Variants in REDIC1 observed in about 807,000 individuals in gnomAD.
REDIC1 encodes the protein regulator of DNA class I crossover intermediates 1, also known as HEI10 Interacting Protein 1.
the REDIC1 span, among the ~76,000 whole-genome samples, chr12:39,733,611 G>A: frequency 6.6e-6 from 1 of 152,290 alleles, no homozygotes; most frequent in East Asian, 1.9e-4. Flanking sequence ...CCAGAGAGGA[G>A]GAATTTAGAG....
the REDIC1 span, among the ~76,000 whole-genome samples, chr12:39,674,462 C>G: frequency 9.2e-5 from 14 of 152,174 alleles, no homozygotes; most frequent in African/African-American, 3.4e-4. Context: ...ACTTTTACTC[C>G]AAAAAGCACT....
the REDIC1 span, among the ~76,000 whole-genome samples, chr12:39,747,994 T>C: frequency 6.9e-3 from 1,050 of 152,258 alleles, 14 homozygotes; most frequent in African/African-American, 0.024. Flanking sequence ...TAAAGACCAT[T>C]GAGGCTAGGA....
At chr12:39,715,214 T>C in the REDIC1 span, among the ~76,000 whole-genome samples, 2 of 152,030 alleles carry the variant, frequency 1.3e-5, no homozygotes, top group South Asian at 2.1e-4. Flanking sequence ...TTTAAGTCCT[T>C]AATCAATCTT....
the REDIC1 span, chr12:39,758,628 A>G: frequency 1.1e-4 from 16 of 152,128 alleles, no homozygotes; most frequent in African/African-American, 3.9e-4. Flanking sequence ...ATAAAAACCA[A>G]TGAATACCTT....
the REDIC1 span, among the ~76,000 whole-genome samples, chr12:39,726,277 C>T: frequency 3.3e-5 from 5 of 152,046 alleles, no homozygotes; most frequent in African/African-American, 1.2e-4. Flanking sequence ...CAGTCATCTA[C>T]ATTAGGTATT....
the REDIC1 span, among the ~76,000 whole-genome samples, chr12:39,657,800 T>C: frequency 1.3e-3 from 199 of 152,262 alleles, no homozygotes; most frequent in African/African-American, 4.6e-3. Context: ...ATTTTATTTA[T>C]GTTCTTACAG....
the REDIC1 span, among the ~76,000 whole-genome samples, chr12:39,717,778 C>A: frequency 1.3e-5 from 2 of 152,056 alleles, no homozygotes; most frequent in Non-Finnish European, 2.9e-5. Flanking sequence ...CTTGAGTAAT[C>A]AACACTTCTG....
At chr12:39,706,601 C>A in the REDIC1 span, among the ~76,000 whole-genome samples, 1 of 151,866 alleles carries the variant, frequency 6.6e-6, no homozygotes, top group East Asian at 1.9e-4. Flanking sequence ...AGTATAGTAA[C>A]CAAAACAGCA....
At chr12:39,870,099 T>G in the REDIC1 span, among the ~76,000 whole-genome samples, 1 of 152,172 alleles carries the variant, frequency 6.6e-6, no homozygotes, top group Non-Finnish European at 1.5e-5. Flanking sequence ...GAATACCAAA[T>G]GAAGGAACGA....
At chr12:39,700,756 G>A in the REDIC1 span, among the ~76,000 whole-genome samples, 1 of 151,798 alleles carries the variant, frequency 6.6e-6, no homozygotes, top group Non-Finnish European at 1.5e-5. Context: ...AACTCTACAA[G>A]CCAGAAGAGA....
At chr12:39,872,031 A>C in the REDIC1 span, 1 of 1,342,180 alleles carries the variant, frequency 7.5e-7, no homozygotes, top group East Asian at 2.7e-5. Context: ...TTGATAGAAA[A>C]AGATGTATTC....
chr12:39,761,167 A>C, the REDIC1 span, among the ~76,000 whole-genome samples: 1 of 151,984 alleles, frequency 6.6e-6, no homozygotes, highest in African/African-American at 2.4e-5. Context: ...GGGAGTGGGA[A>C]GAACTGAGTT....
the REDIC1 span, among the ~76,000 whole-genome samples, chr12:39,740,003 G>A: frequency 6.6e-6 from 1 of 152,136 alleles, no homozygotes. Flanking sequence ...TGCCATCCCA[G>A]CTTAGTCCTT....
At chr12:39,711,312 A>T in the REDIC1 span, among the ~76,000 whole-genome samples, 1 of 148,660 alleles carries the variant, frequency 6.7e-6, no homozygotes, top group African/African-American at 2.5e-5. Flanking sequence ...ATATGTGTAT[A>T]TATCCATATA....
the REDIC1 span, among the ~76,000 whole-genome samples, chr12:39,896,312 ATATG>A: frequency 1.5e-5 from 2 of 129,456 alleles, no homozygotes; most frequent in East Asian, 2.9e-4. Flanking sequence ...ATGTATACAT[ATATG>A]TATGTATATG....
the REDIC1 span, among the ~76,000 whole-genome samples, chr12:39,859,230 T>C: frequency 6.0e-5 from 9 of 150,940 alleles, no homozygotes; most frequent in African/African-American, 2.2e-4. Flanking sequence ...TTGATCATAT[T>C]CTTATGCTTG....
chr12:39,721,227 G>A, the REDIC1 span: 2 of 1,612,670 alleles, frequency 1.2e-6, no homozygotes, highest in African/African-American at 2.7e-5. Flanking sequence ...CCACTGGAGG[G>A]CAGGAAATCC....
the REDIC1 span, among the ~76,000 whole-genome samples, chr12:39,858,216 T>C: frequency 2.0e-5 from 3 of 152,228 alleles, no homozygotes; most frequent in Non-Finnish European, 4.4e-5. Flanking sequence ...TGCAGTTATT[T>C]GGCAATAAGG....
At chr12:39,773,653 A>G in the REDIC1 span, among the ~76,000 whole-genome samples, 2 of 152,344 alleles carry the variant, frequency 1.3e-5, no homozygotes, top group Non-Finnish European at 2.9e-5. Flanking sequence ...CTTCCTACAC[A>G]GCACATGCTG....
Sources: gnomAD v4.1 joint callset for allele counts (sites outside exome capture counted in the v4.1 genomes callset) on GRCh38, gnomAD v4.1.1 for gene constraint, MANE v1.5 for transcripts, NCBI Gene and HGNC (gene_info 2026-07-23, HGNC 2026-07-21) for gene names.